NKAIN2: variants seen among roughly 807,000 people sequenced by gnomAD.
NKAIN2 encodes sodium/potassium transporting ATPase interacting 2.
NKAIN2 carries 14 observed loss-of-function variants against 32.6 expected under a neutral mutation model. That is an observed-to-expected ratio of 0.43 (90% CI 0.28 to 0.67). NKAIN2 has a LOEUF of 0.67. Ranked by LOEUF, NKAIN2 falls within the 30% of genes least tolerant of loss-of-function variation. NKAIN2 has a pLI of 0.17. For synonymous variants in NKAIN2, 80 were observed against 87.2 expected, an observed-to-expected ratio of 0.92 and a Z score of 0.46; for missense variants, 198 against 258.3, an observed-to-expected ratio of 0.77 and a Z score of 1.60.
intron 4 of NKAIN2, among the ~76,000 whole-genome samples, chr6:124,689,848 A>G (rs948519981): frequency 2.0e-5 from 3 of 152,142 alleles, no homozygotes; most frequent in African/African-American, 4.8e-5. Context: ...GTACCACACT[A>G]TCTTAATCAA....
chr6:124,133,174 A>G (rs971019122), intron 1 of NKAIN2, among the ~76,000 whole-genome samples: 1 of 152,194 alleles, frequency 6.6e-6, no homozygotes, highest in Non-Finnish European at 1.5e-5. Flanking sequence ...GCATGGAGGT[A>G]CCTATAGTCA....
At chr6:124,606,741 A>G (rs1782515099) in intron 3 of NKAIN2, among the ~76,000 whole-genome samples, 1 of 152,168 alleles carries the variant, frequency 6.6e-6, no homozygotes, top group African/African-American at 2.4e-5. Flanking sequence ...GTCTATCTTC[A>G]TTAAGTAGCA....
At chr6:124,299,833 TAACAATGAAGATTAC>T (rs746092807) in intron 2 of NKAIN2, among the ~76,000 whole-genome samples, 1 of 152,256 alleles carries the variant, frequency 6.6e-6, no homozygotes. Context: ...AAGTGTAACT[TAACAATGAAGATTAC>T]AACAATGAAG....
intron 1 of NKAIN2, among the ~76,000 whole-genome samples, chr6:124,127,643 G>A (rs988958736): frequency 5.9e-5 from 9 of 152,218 alleles, no homozygotes; most frequent in Non-Finnish European, 1.0e-4. Context: ...AAAAGCCTGG[G>A]CACATCCAAA....
At chr6:124,209,441 A>T (rs1463413578) in intron 1 of NKAIN2, among the ~76,000 whole-genome samples, 1 of 151,788 alleles carries the variant, frequency 6.6e-6, no homozygotes, top group Non-Finnish European at 1.5e-5. Context: ...TAATATATTA[A>T]GTTCCTTTCT....
intron 1 of NKAIN2, among the ~76,000 whole-genome samples, chr6:124,043,289 G>A (rs575942533): frequency 3.0e-4 from 45 of 152,008 alleles, no homozygotes; most frequent in African/African-American, 1.0e-3. Flanking sequence ...AGCTGAGATC[G>A]CACCATTGCA....
intron 1 of NKAIN2, among the ~76,000 whole-genome samples, chr6:123,826,478 C>T (rs1367709450): frequency 1.3e-5 from 2 of 151,962 alleles, no homozygotes; most frequent in Non-Finnish European, 2.9e-5. Context: ...TTTTATTTTC[C>T]CAAACGGAAA....
chr6:124,248,806 G>A (rs889272024), intron 1 of NKAIN2, among the ~76,000 whole-genome samples: 5 of 152,070 alleles, frequency 3.3e-5, no homozygotes, highest in Middle Eastern at 3.2e-3. Context: ...TCTAAATCTG[G>A]TGGTAGACTA....
At chr6:124,672,251 A>G (rs1273508157) in intron 4 of NKAIN2, among the ~76,000 whole-genome samples, 1 of 152,090 alleles carries the variant, frequency 6.6e-6, no homozygotes, top group African/African-American at 2.4e-5. Flanking sequence ...AGTTGCCTTC[A>G]CTGTCATCAT....
At chr6:123,955,839 A>G (rs1777554966) in intron 1 of NKAIN2, among the ~76,000 whole-genome samples, 1 of 151,934 alleles carries the variant, frequency 6.6e-6, no homozygotes, top group African/African-American at 2.4e-5. Context: ...TGTTTTCCAG[A>G]CTGGTCTCAA....
intron 4 of NKAIN2, among the ~76,000 whole-genome samples, chr6:124,781,503 G>A (rs957693051): frequency 1.3e-5 from 2 of 152,004 alleles, no homozygotes; most frequent in Non-Finnish European, 2.9e-5. Flanking sequence ...TTAGATGATT[G>A]GTTGGTTTTG....
chr6:124,768,039 T>A (rs1778586983), intron 4 of NKAIN2, among the ~76,000 whole-genome samples: 1 of 152,152 alleles, frequency 6.6e-6, no homozygotes, highest in African/African-American at 2.4e-5. Flanking sequence ...TATAATTTAA[T>A]CACATTAAAT....
intron 3 of NKAIN2, among the ~76,000 whole-genome samples, chr6:124,641,987 A>G (rs1272733975): frequency 6.6e-6 from 1 of 152,172 alleles, no homozygotes; most frequent in Non-Finnish European, 1.5e-5. Context: ...GTCAGGAACC[A>G]AGAGCTGGAG....
intron 3 of NKAIN2, among the ~76,000 whole-genome samples, chr6:124,538,012 A>C (rs1263153463): frequency 6.6e-6 from 1 of 152,136 alleles, no homozygotes; most frequent in East Asian, 1.9e-4. Flanking sequence ...TTATTTGTCC[A>C]TTCTCATAAT....
chr6:124,587,797 T>C (rs1186093686), intron 3 of NKAIN2, among the ~76,000 whole-genome samples: 1 of 151,866 alleles, frequency 6.6e-6, no homozygotes, highest in Non-Finnish European at 1.5e-5. Flanking sequence ...GTCAGAGGAG[T>C]AGTGGTGGGT....
chr6:123,921,595 T>A (rs2114491911), intron 1 of NKAIN2, among the ~76,000 whole-genome samples: 1 of 152,296 alleles, frequency 6.6e-6, no homozygotes, highest in South Asian at 2.1e-4. Flanking sequence ...TAATTCTGTG[T>A]TTTTCACTGT....
intron 1 of NKAIN2, among the ~76,000 whole-genome samples, chr6:124,155,429 T>C (rs912889550): frequency 2.0e-5 from 3 of 152,024 alleles, no homozygotes; most frequent in Non-Finnish European, 4.4e-5. Context: ...TAAATATGTA[T>C]AATTATTATA....
At position 124,777,262 on chromosome 6, in the gene NKAIN2, C is replaced by CA. The variant is rs145069261; in HGVS notation, c.475-14072dup. On this transcript the variant is annotated intron_variant, in intron 4 of 6. Coordinates refer to ENST00000368417, the MANE Select transcript of NKAIN2 (RefSeq NM_001040214.3). ...TGAAGTGTATATTCTAAAGAGCTAT[C>CA]AAAAATGCCCATGGATGCCAGGGAG... Among the ~76,000 whole-genome samples, 37 of 152,250 alleles carry CA rather than the reference C, an allele frequency of 2.4e-4. No homozygotes were observed. The East Asian group carries it at 6.4e-3, about 26-fold the overall frequency.
chr6:124,194,087 G>A (rs1037410229), intron 1 of NKAIN2, among the ~76,000 whole-genome samples: 3 of 151,912 alleles, frequency 2.0e-5, no homozygotes, highest in East Asian at 1.9e-4. Flanking sequence ...CGTGCACTCC[G>A]ATTGTTCCAT....
Sources: allele counts gnomAD v4.1 joint callset (sites outside exome capture counted in the v4.1 genomes callset), GRCh38; gene constraint gnomAD v4.1.1; transcripts MANE v1.5; gene names NCBI Gene and HGNC (gene_info 2026-07-23, HGNC 2026-07-21).